The following RNF170 variants were observed in gnomAD, a reference collection of about 807,000 sequenced individuals.
RNF170 encodes the protein E3 ubiquitin-protein ligase RNF170.
In RNF170, 12 loss-of-function variants were observed where a neutral mutation model predicts 32.7. The ratio of observed to expected loss-of-function variants is 0.37; its 90% CI spans 0.24 to 0.60. The LOEUF is 0.60. Among genes scored for constraint, RNF170 ranks in the 20% least tolerant of loss-of-function variants. The pLI is 0.72. For missense variants in RNF170, 212 were observed against 311.2 expected, an observed-to-expected ratio of 0.68 and a Z score of 2.40; for synonymous variants, 91 against 103.6, an observed-to-expected ratio of 0.88 and a Z score of 0.74.
At chr8:42,872,116 C>T (rs1804566991) in intron 3 of RNF170, among the ~76,000 whole-genome samples, 1 of 152,186 alleles carries the variant, frequency 6.6e-6, no homozygotes, top group Admixed American at 6.5e-5. Flanking sequence ...GACTACATCG[C>T]CAGCCTTATT....
rs1328885920 is a variant in RNF170 at position 42,853,388 on chromosome 8, TACA to T, written c.*2768_*2770del. 5 of 1,285,234 alleles carry T rather than the reference TACA, an allele frequency of 3.9e-6. No individual in the cohort carries two copies. The highest frequency in any genetic ancestry group is 5.1e-6 in the Non-Finnish European group (5 of 987,650). 79.6% of individuals were successfully genotyped at this position (1,285,234 alleles called of 1,614,324 possible). A position where few individuals can be genotyped will look rare whatever the true frequency, so the allele number is the denominator to read the frequency against. On this transcript the variant is annotated 3_prime_UTR_variant, in exon 7 of 7. Coordinates refer to ENST00000527424, the MANE Select transcript of RNF170 (RefSeq NM_030954.4). ...GGTTTGAACCAAACCACCAGTCTTC[TACA>T]ACAACTCTGTGAGGTAGGTATCTGC...
chr8:42,869,693 C>T (rs532380872), intron 4 of RNF170, among the ~76,000 whole-genome samples: 1 of 152,294 alleles, frequency 6.6e-6, no homozygotes, highest in Non-Finnish European at 1.5e-5. Flanking sequence ...CAGTGAATCC[C>T]TCATGCTATG....
At chr8:42,865,609 C>G (rs768688218) in intron 4 of RNF170, 120 bp from the exon 5 acceptor site, 1 of 785,064 alleles carries the variant, frequency 1.3e-6, no homozygotes, top group Non-Finnish European at 2.2e-6. Context: ...TTTAAAAATA[C>G]CTTTTACTTC....
intron 1 of RNF170, among the ~76,000 whole-genome samples, chr8:42,888,297 C>G (rs1052446393): frequency 4.6e-5 from 7 of 151,968 alleles, no homozygotes; most frequent in African/African-American, 1.7e-4. Context: ...ATCTCCTGAC[C>G]TCGTGATCCA....
chr8:42,896,075 C>A, intron 1 of RNF170: 1 of 207,672 alleles, frequency 4.8e-6, no homozygotes, highest in South Asian at 6.2e-5. Flanking sequence ...CAGAACGATC[C>A]GCCTCGCCAT....
At chr8:42,869,372 C>T (rs1804353635) in intron 4 of RNF170, among the ~76,000 whole-genome samples, 1 of 152,084 alleles carries the variant, frequency 6.6e-6, no homozygotes, top group Non-Finnish European at 1.5e-5. Context: ...TCTGCAGATT[C>T]AGGAAAAATA....
chr8:42,893,570 G>A (rs891887981), intron 1 of RNF170, among the ~76,000 whole-genome samples: 1 of 152,166 alleles, frequency 6.6e-6, no homozygotes. Flanking sequence ...GGTGTGGCAG[G>A]GGAAGTGCTT....
At chr8:42,850,152 A>G, downstream of RNF170, 1 of 155,890 alleles carries the variant, frequency 6.4e-6, no homozygotes, top group Non-Finnish European at 1.4e-5. Flanking sequence ...GCCTGCTCAA[A>G]GGACAGCAAG....
At chr8:42,879,615 C>T (rs551187577) in intron 2 of RNF170, among the ~76,000 whole-genome samples, 5 of 152,242 alleles carry the variant, frequency 3.3e-5, no homozygotes, top group Non-Finnish European at 7.4e-5. Context: ...CATGCTACTG[C>T]ACTCCAGCCT....
At chr8:42,862,529 T>C (rs1406266961) in intron 5 of RNF170, among the ~76,000 whole-genome samples, 4 of 152,178 alleles carry the variant, frequency 2.6e-5, no homozygotes, top group African/African-American at 4.8e-5. Context: ...AGCACCCTTA[T>C]AGAAAATGGT....
downstream of RNF170, chr8:42,850,931 T>A: frequency 6.4e-7 from 1 of 1,551,668 alleles, no homozygotes; most frequent in Non-Finnish European, 8.7e-7. Flanking sequence ...GAGTTCTGTG[T>A]GTCCAGGCAT....
intron 1 of RNF170, among the ~76,000 whole-genome samples, chr8:42,895,731 G>A (rs1043921174): frequency 2.0e-5 from 3 of 152,136 alleles, no homozygotes; most frequent in African/African-American, 7.2e-5. Flanking sequence ...ATTTAATACT[G>A]ATTGAAAACC....
At chr8:42,851,958 G>C (rs1327761328), downstream of RNF170, among the ~76,000 whole-genome samples, 2 of 152,180 alleles carry the variant, frequency 1.3e-5, no homozygotes, top group Non-Finnish European at 2.9e-5. Context: ...ATGGATGGAT[G>C]GTGGTTCCTT....
chr8:42,886,202 C>T (rs1005944694), intron 2 of RNF170, among the ~76,000 whole-genome samples: 1 of 150,674 alleles, frequency 6.6e-6, no homozygotes, highest in Non-Finnish European at 1.5e-5. Context: ...CCAGCCTGGG[C>T]AACAGAGTGA....
intron 2 of RNF170, among the ~76,000 whole-genome samples, chr8:42,876,855 C>T (rs1804979377): frequency 6.6e-6 from 1 of 151,780 alleles, no homozygotes. Context: ...CAGGGTTTTA[C>T]TGTGTTAGCC....
chr8:42,858,912 G>A (rs1325700542), intron 6 of RNF170, among the ~76,000 whole-genome samples: 2 of 152,236 alleles, frequency 1.3e-5, no homozygotes, highest in East Asian at 1.9e-4. Context: ...GCCACAAGTG[G>A]TGGCTCATGC....
rs1050368705 is a variant in RNF170, at chr8:42,870,183, A to G, written c.214-71T>C. Reference sequence around the variant, plus strand: ...CCTCAACAGTATCTCATGTTAAATTATATTTGAGAACAGAGTCAGCAGTGT... The same window carrying G: ...CCTCAACAGTATCTCATGTTAAATTGTATTTGAGAACAGAGTCAGCAGTGT... On this transcript the variant is annotated intron_variant, in intron 3 of 6. Transcript: ENST00000527424. 3.9e-5 allele frequency: 41 copies of G among 1,055,902 alleles called. No homozygotes were observed. The African/African-American group carries it at 5.9e-4, about 15-fold the overall frequency. 65.4% of individuals were successfully genotyped at this position (1,055,902 alleles called of 1,614,324 possible).
intron 6 of RNF170, 39 bp from the exon 7 acceptor site, chr8:42,856,467 A>C: frequency 7.2e-7 from 1 of 1,381,172 alleles, no homozygotes; most frequent in Non-Finnish European, 1.0e-6. Context: ...TTCAGCACCT[A>C]ATGTGTCAGA....
Position 42,887,873 on chromosome 8 carries a change from T to G in RNF170, c.-7-2A>C. 1 of 1,612,520 alleles carries G rather than the reference T, an allele frequency of 6.2e-7. No individual in the cohort carries two copies. Among genetic ancestry groups the G allele is most frequent in the Non-Finnish European group, 8.5e-7 (1 of 1,178,592 alleles). The stretch of plus-strand genomic sequence containing the variant: ...CCTTGATATTTGGCCATTCCAGGTC[T>G]AAAATAAGAAGAAACAAGATGAGAG... On this transcript the variant is annotated splice_acceptor_variant, in intron 1 of 6. Coordinates refer to ENST00000527424, the MANE Select transcript of RNF170 (RefSeq NM_030954.4). LOFTEE classifies it low-confidence loss of function (5UTR_SPLICE).
Sources: gnomAD v4.1 joint callset for allele counts (sites outside exome capture counted in the v4.1 genomes callset) on GRCh38, gnomAD v4.1.1 for gene constraint, MANE v1.5 for transcripts, NCBI Gene and HGNC (gene_info 2026-07-23, HGNC 2026-07-21) for gene names.